RUBCNL: variants seen among roughly 807,000 people sequenced by gnomAD.
The protein encoded by RUBCNL is rubicon like autophagy enhancer, also known as protein associated with UVRAG as autophagy enhancer.
Under a neutral mutation model 69.5 loss-of-function variants are expected in RUBCNL, and 62 were observed. The ratio of observed to expected loss-of-function variants is 0.89; its 90% CI spans 0.73 to 1.10. The LOEUF is 1.10. RUBCNL is among the 50% of genes least tolerant of loss of function. The probability of loss-of-function intolerance (pLI) is 0.00; values close to 1 mark genes in which losing one functional copy is unlikely to be tolerated. For missense variants in RUBCNL, 768 were observed against 798.1 expected (o/e 0.96, Z 0.45); for synonymous variants, 291 against 303.6 (o/e 0.96, Z 0.43).
At chr13:46,388,622 G>T (rs567570591), upstream of RUBCNL, among the ~76,000 whole-genome samples, 5 of 152,336 alleles carry the variant, frequency 3.3e-5, no homozygotes, top group African/African-American at 1.2e-4. Flanking sequence ...TTCTCCCGGG[G>T]AAGGACCTCT....
intron 11 of RUBCNL, among the ~76,000 whole-genome samples, chr13:46,349,703 G>T (rs920974412): frequency 8.6e-5 from 13 of 151,402 alleles, no homozygotes; most frequent in Admixed American, 4.6e-4. Flanking sequence ...TTGAGACAGG[G>T]TCTTGCTCTG....
intron 1 of RUBCNL, among the ~76,000 whole-genome samples, chr13:46,380,503 G>A (rs1053321219): frequency 7.9e-5 from 12 of 152,148 alleles, no homozygotes; most frequent in African/African-American, 2.2e-4. Flanking sequence ...CACACATTCC[G>A]TGTGGGCTGA....
At chr13:46,382,859 T>A (rs1366359444) in intron 1 of RUBCNL, among the ~76,000 whole-genome samples, 1 of 152,172 alleles carries the variant, frequency 6.6e-6, no homozygotes, top group African/African-American at 2.4e-5. Context: ...TTTCAACCAG[T>A]GCTGCAAGAA....
chr13:46,359,505 T>C lies in RUBCNL; in HGVS notation c.1246A>G (p.Asn416Asp), dbSNP rs2048564679. The change falls in exon 9 of 15, where the codon AAT becomes GAT. Residue 416 changes from asparagine to aspartate, a missense_variant. Physicochemically the swap from Asn to Asp is conservative, Grantham distance 23 (BLOSUM62 1). Coordinates refer to ENST00000429979, the MANE Select transcript of RUBCNL (RefSeq NM_025113.5). ...WAPPRFQIIF[N>D]IHPPLKRDLV... Reference sequence around the variant, plus strand: ...ACTTACTTGAGTGGTGGATGAATATTAAATATGATTTGAAATCTAGGAGGA... The same window carrying C: ...ACTTACTTGAGTGGTGGATGAATATCAAATATGATTTGAAATCTAGGAGGA... 2 of 1,601,932 alleles carry C rather than the reference T, an allele frequency of 1.2e-6. No individual in the cohort carries two copies. The highest frequency in any genetic ancestry group is 2.3e-5 in the South Asian group (2 of 88,588).
At position 46,361,433 on chromosome 13, in the gene RUBCNL, A is replaced by G. The variant is rs777387322; in HGVS notation, c.1119+8T>C. 6.2e-7 allele frequency: 1 copy of G among 1,611,710 alleles called. No homozygotes were observed. Among genetic ancestry groups the G allele is most frequent in the Non-Finnish European group, 8.5e-7 (1 of 1,179,068 alleles). On this transcript the variant is annotated splice_region_variant and intron_variant, in intron 8 of 14. Coordinates refer to ENST00000429979, the MANE Select transcript of RUBCNL (RefSeq NM_025113.5). The stretch of plus-strand genomic sequence containing the variant: ...TTCAATTCAAGGTCAATTTTTTTTG[A>G]TACTTACTATCGAGCCAGCTGCACT...
intron 3 of RUBCNL, among the ~76,000 whole-genome samples, 160 bp downstream of exon 3, chr13:46,371,781 T>A (rs1400986689): frequency 6.6e-6 from 1 of 152,244 alleles, no homozygotes; most frequent in African/African-American, 2.4e-5. Flanking sequence ...AAGCCAATAT[T>A]TGATTTCACC....
chr13:46,387,049 C>T, intron 1 of RUBCNL, 85 bp downstream of exon 1: 1 of 969,654 alleles, frequency 1.0e-6, no homozygotes, highest in Non-Finnish European at 1.2e-6. Context: ...CATCCAACCT[C>T]TCCCGCGGCC....
Position 46,337,808 on chromosome 13 carries a change from A to G in RUBCNL, c.*5577T>C, listed in dbSNP as rs1421463196. Among the ~76,000 whole-genome samples the G allele has an allele frequency of 6.6e-6, 1 of 152,176 alleles. No homozygotes were observed. The highest frequency in any genetic ancestry group is 6.5e-5 in the Admixed American group (1 of 15,268). ...AAAATAAAGGTTTATTCTTGCTTGTAAAAAGTCCAATGCAGGCACCGCACT... is the reference window on the plus strand; with the variant it reads ...AAAATAAAGGTTTATTCTTGCTTGTGAAAAGTCCAATGCAGGCACCGCACT... On this transcript the variant is annotated 3_prime_UTR_variant, in exon 15 of 15. Coordinates refer to ENST00000429979, the MANE Select transcript of RUBCNL (RefSeq NM_025113.5).
intron 3 of RUBCNL, 137 bp from the exon 4 acceptor site, chr13:46,368,952 G>A (rs142013545): frequency 1.5e-6 from 1 of 652,686 alleles, no homozygotes; most frequent in South Asian, 2.0e-5. Context: ...CAGATGACAG[G>A]AAAAGAAAGA....
Position 46,350,099 on chromosome 13 carries a change from G to A in RUBCNL, c.1569+14C>T. On this transcript the variant is annotated intron_variant, in intron 11 of 14. Transcript: ENST00000429979. ...ACTTCCAATGAGAGGGATGGGGTTGGGGCTGCGGCTCACCTTCACTCTGTC... is the reference window on the plus strand; with the variant it reads ...ACTTCCAATGAGAGGGATGGGGTTGAGGCTGCGGCTCACCTTCACTCTGTC... The A allele has an allele frequency of 6.5e-7, 1 of 1,531,114 alleles. No homozygotes were observed. Among genetic ancestry groups the A allele is most frequent in the Non-Finnish European group, 8.9e-7 (1 of 1,128,310 alleles). 94.8% of individuals were successfully genotyped at this position (1,531,114 alleles called of 1,614,324 possible).
Position 46,343,372 on chromosome 13 carries a change from G to T in RUBCNL, c.*13C>A. ...GGCATGTTGAACAGTCTTTTTCACA[G>T]TACTCAGGGGCATCATGTTGCTGCA... On this transcript the variant is annotated 3_prime_UTR_variant, in exon 15 of 15. Coordinates refer to ENST00000429979, the MANE Select transcript of RUBCNL (RefSeq NM_025113.5). 1 of 1,611,302 alleles carries T rather than the reference G, an allele frequency of 6.2e-7. No homozygotes were observed. The highest frequency in any genetic ancestry group is 2.2e-5 in the East Asian group (1 of 44,842).
At chr13:46,384,079 C>T (rs1187645968) in intron 1 of RUBCNL, among the ~76,000 whole-genome samples, 6 of 152,152 alleles carry the variant, frequency 3.9e-5, no homozygotes, top group African/African-American at 1.4e-4. Flanking sequence ...GCCCAGATCA[C>T]CATAAAACCA....
At chr13:46,350,533 T>C (rs2048349012) in intron 10 of RUBCNL, 182 bp from the exon 11 acceptor site, 1 of 551,788 alleles carries the variant, frequency 1.8e-6, no homozygotes, top group African/African-American at 1.9e-5. Context: ...AATTAAATCA[T>C]GGCCATTCAT....
At chr13:46,362,275 A>G (rs1367200243) in intron 7 of RUBCNL, among the ~76,000 whole-genome samples, 2 of 152,118 alleles carry the variant, frequency 1.3e-5, no homozygotes, top group East Asian at 3.8e-4. Flanking sequence ...ATACACACAC[A>G]TGCATACATA....
chr13:46,335,371 TG>T lies in RUBCNL; in HGVS notation c.*8013del, dbSNP rs1423449466. 6.6e-6 allele frequency among the ~76,000 whole-genome samples: 1 copy of T among 150,618 alleles called. No homozygotes were observed. Among genetic ancestry groups the T allele is most frequent in the African/African-American group, 2.5e-5 (1 of 40,734 alleles). On this transcript the variant is annotated 3_prime_UTR_variant, in exon 15 of 15. Coordinates refer to ENST00000429979, the MANE Select transcript of RUBCNL (RefSeq NM_025113.5). ...CTCCTGCATTGGCCTCCCAAAGTGCTGGGATTACAGACACGAGCCAGCACCC... is the reference window on the plus strand; with the variant it reads ...CTCCTGCATTGGCCTCCCAAAGTGCTGGATTACAGACACGAGCCAGCACCC...
At position 46,372,111 on chromosome 13, in the gene RUBCNL, T is replaced by C; in HGVS notation, c.365A>G (p.Glu122Gly). 2 of 1,613,964 alleles carry C rather than the reference T, an allele frequency of 1.2e-6. No homozygotes were observed. Among genetic ancestry groups the C allele is most frequent in the Non-Finnish European group, 1.7e-6 (2 of 1,179,882 alleles). The change falls in exon 3 of 15, where the codon GAA becomes GGA. Residue 122 changes from glutamate (E) to glycine (G), a missense_variant. Physicochemically the swap from Glu to Gly is moderately conservative, Grantham distance 98 (BLOSUM62 -2). Coordinates refer to ENST00000429979, the MANE Select transcript of RUBCNL (RefSeq NM_025113.5). ...VGSASPHGSSEKSSSFSLSST... is the reference protein window; with the variant it reads ...VGSASPHGSSGKSSSFSLSST... ...GGACAGAGAGAAGCTGCTACTCTTT[T>C]CACTCGAGCCATGGGGAGAAGCGCT...
chr13:46,355,242 G>T (rs2048458825), intron 10 of RUBCNL, among the ~76,000 whole-genome samples: 1 of 151,238 alleles, frequency 6.6e-6, no homozygotes, highest in Admixed American at 6.6e-5. Flanking sequence ...CAGAACAAGT[G>T]ATTCCCAGTC....
rs193920942 is a variant in RUBCNL at position 46,359,610 on chromosome 13, G to A, written c.1141C>T (p.Arg381Ter). Residue 381 changes from arginine (R) to a stop codon, truncating the protein, a stop_gained, in exon 9 of 15, where the codon CGA (arginine) becomes TGA (stop). Transcript: ENST00000429979. LOFTEE classifies it high-confidence loss of function. ...GSIVVNEECV[R>*]KDFESSMNVV... ...TTCATACTGGATTCAAAGTCTTTTC[G>A]GACACACTCTTCATTTACGACCTGC... 41 of 1,588,352 alleles carry A rather than the reference G, an allele frequency of 2.6e-5. No individual in the cohort carries two copies. In the East Asian group the frequency reaches 5.2e-4, roughly 20 times the overall value.
Position 46,336,450 on chromosome 13 carries a change from T to C in RUBCNL, c.*6935A>G, listed in dbSNP as rs1338357621. ...TATTTAAAATGATATCTAGTCTATA[T>C]GGTAAAATTTACAAAGAAAATTTTT... On this transcript the variant is annotated 3_prime_UTR_variant, in exon 15 of 15. Transcript: ENST00000429979. Among the ~76,000 whole-genome samples, 2 of 152,222 alleles carry C rather than the reference T, an allele frequency of 1.3e-5. No homozygotes were observed. The highest frequency in any genetic ancestry group is 2.9e-5 in the Non-Finnish European group (2 of 68,048).
Sources: allele counts gnomAD v4.1 joint callset (sites outside exome capture counted in the v4.1 genomes callset), GRCh38; gene constraint gnomAD v4.1.1; transcripts MANE v1.5; gene names NCBI Gene and HGNC (gene_info 2026-07-23, HGNC 2026-07-21).